The following FAM184B variants were observed in gnomAD, a reference collection of about 807,000 sequenced individuals.
FAM184B encodes family with sequence similarity 184 member B.
FAM184B carries 111 observed loss-of-function variants against 135.9 expected under a neutral mutation model. That is an observed-to-expected ratio of 0.82 (90% CI 0.70 to 0.96). The LOEUF (loss-of-function observed/expected upper bound fraction) is 0.96, where lower values mean the gene tolerates loss of function less well. Among genes scored for constraint, FAM184B ranks in the 40% least tolerant of loss-of-function variants. FAM184B has a pLI of 0.00. For missense variants in FAM184B, 1,375 were observed against 1,323.9 expected (o/e 1.04, Z -0.60); for synonymous variants, 552 against 524.8 (o/e 1.05, Z -0.71).
chr4:17,711,498 A>G (rs1157890732), intron 1 of FAM184B, among the ~76,000 whole-genome samples: 1 of 151,482 alleles, frequency 6.6e-6, no homozygotes, highest in Non-Finnish European at 1.5e-5. Context: ...AAACAAAAAC[A>G]AAAACAAAAA....
In FAM184B at chr4:17,712,790, G is replaced by A. The variant is rs796242236; in HGVS notation, c.142-3146C>T. Among the ~76,000 whole-genome samples the A allele has an allele frequency of 9.9e-4, 151 of 152,220 alleles. 1 individual carries two copies. The highest frequency in any genetic ancestry group is 3.3e-3 in the African/African-American group (138 of 41,510). On this transcript the variant is annotated intron_variant, in intron 1 of 17. Transcript: ENST00000265018. The stretch of plus-strand genomic sequence containing the variant: ...GGCTTTAAAAAAAAGTCAAAAACTA[G>A]AGGCTTAGATAATTATGAAATAGAA...
At chr4:17,645,796 C>G (rs1312500178) in intron 12 of FAM184B, among the ~76,000 whole-genome samples, 1 of 151,908 alleles carries the variant, frequency 6.6e-6, no homozygotes, top group African/African-American at 2.4e-5. Context: ...AGGCAACCTA[C>G]AGAATGGGAG....
intron 5 of FAM184B, among the ~76,000 whole-genome samples, chr4:17,698,248 C>T (rs1371940912): frequency 6.6e-6 from 1 of 152,108 alleles, no homozygotes; most frequent in East Asian, 1.9e-4. Context: ...TCTCACTGAA[C>T]TTTCAGATAC....
chr4:17,720,883 T>A (rs1577276177), intron 1 of FAM184B, among the ~76,000 whole-genome samples: 2 of 100,326 alleles, frequency 2.0e-5, no homozygotes, highest in East Asian at 2.9e-4. Context: ...AGACTTCATC[T>A]AAAAAAAAAA....
At chr4:17,632,930 T>G (rs1247226748) in intron 17 of FAM184B, 2 of 197,698 alleles carry the variant, frequency 1.0e-5, no homozygotes, top group African/African-American at 4.6e-5. Context: ...AGACTTTGTT[T>G]TTATTTTTTG....
chr4:17,657,078 T>C (rs1248007487), intron 10 of FAM184B, among the ~76,000 whole-genome samples: 1 of 152,234 alleles, frequency 6.6e-6, no homozygotes, highest in Non-Finnish European at 1.5e-5. Flanking sequence ...GTAAATATTA[T>C]TCACTATTGA....
chr4:17,738,872 C>A (rs1299071314), intron 1 of FAM184B, among the ~76,000 whole-genome samples: 1 of 152,078 alleles, frequency 6.6e-6, no homozygotes, highest in East Asian at 1.9e-4. Context: ...AAAGCATCAG[C>A]CCCTCCCTTC....
At chr4:17,660,392 G>A (rs1179177475) in intron 8 of FAM184B, among the ~76,000 whole-genome samples, 1 of 152,132 alleles carries the variant, frequency 6.6e-6, no homozygotes, top group East Asian at 1.9e-4. Flanking sequence ...CTGTCAGAAT[G>A]ACTGAGAGCT....
Position 17,632,844 on chromosome 4 carries a change from T to C in FAM184B, c.3090-219A>G, listed in dbSNP as rs1267452240. 7.0e-6 allele frequency: 3 copies of C among 427,438 alleles called. No individual in the cohort carries two copies. In the Admixed American group the frequency reaches 1.0e-4, roughly 15 times the overall value. The allele number at this position is 427,438 out of a possible 1,614,324, so 26.5% of individuals were successfully genotyped here. The stretch of plus-strand genomic sequence containing the variant: ...GGAAAACAGAAGGTTCACCATTGTT[T>C]GGTTCTCCATTGTTCCTTTGAGACT... On this transcript the variant is annotated intron_variant, in intron 17 of 17. Coordinates refer to ENST00000265018, the MANE Select transcript of FAM184B (RefSeq NM_015688.2).
At chr4:17,775,719 A>G (rs189450741) in intron 1 of FAM184B, among the ~76,000 whole-genome samples, 5 of 152,316 alleles carry the variant, frequency 3.3e-5, no homozygotes, top group Admixed American at 3.3e-4. Flanking sequence ...AGTGGAGGCT[A>G]TTATCTTAAG....
intron 15 of FAM184B, among the ~76,000 whole-genome samples, chr4:17,636,033 G>A (rs1362601633): frequency 6.9e-5 from 7 of 101,604 alleles, no homozygotes; most frequent in Non-Finnish European, 1.1e-4. Flanking sequence ...GGACTTGGGA[G>A]TAAAGTGATT....
At chr4:17,680,626 G>A (rs1018496708) in intron 7 of FAM184B, among the ~76,000 whole-genome samples, 1 of 152,102 alleles carries the variant, frequency 6.6e-6, no homozygotes, top group Non-Finnish European at 1.5e-5. Flanking sequence ...TTCCCATCAG[G>A]CGTTTTTCTC....
At chr4:17,656,368 C>T (rs1255293692) in intron 10 of FAM184B, among the ~76,000 whole-genome samples, 4 of 152,026 alleles carry the variant, frequency 2.6e-5, no homozygotes, top group South Asian at 2.1e-4. Flanking sequence ...AGTAAGTGCC[C>T]GGCAGTCCAT....
intron 7 of FAM184B, among the ~76,000 whole-genome samples, chr4:17,666,083 C>T (rs1376372156): frequency 6.6e-6 from 1 of 152,202 alleles, no homozygotes; most frequent in Non-Finnish European, 1.5e-5. Flanking sequence ...TGCTCCCTCA[C>T]TTCACTCACT....
chr4:17,773,345 C>T (rs542946851), intron 1 of FAM184B, among the ~76,000 whole-genome samples: 1 of 152,338 alleles, frequency 6.6e-6, no homozygotes, highest in South Asian at 2.1e-4. Flanking sequence ...TTTGCTCTTG[C>T]AGGGTCTCCT....
At chr4:17,780,155 TA>T (rs1410655382) in intron 1 of FAM184B, among the ~76,000 whole-genome samples, 11 of 151,774 alleles carry the variant, frequency 7.2e-5, no homozygotes, top group African/African-American at 2.7e-4. Context: ...CCTGGCAAAA[TA>T]GTGAGGTTGG....
intron 5 of FAM184B, among the ~76,000 whole-genome samples, chr4:17,703,933 A>T (rs994651791): frequency 1.3e-5 from 2 of 151,718 alleles, no homozygotes; most frequent in Admixed American, 1.3e-4. Context: ...CCGTTTCAAA[A>T]AAAAAAAAAG....
intron 8 of FAM184B, among the ~76,000 whole-genome samples, chr4:17,660,681 G>GT (rs1715897045): frequency 6.6e-6 from 1 of 151,910 alleles, no homozygotes; most frequent in South Asian, 2.1e-4. Flanking sequence ...AATGTCTTTA[G>GT]AAGAGACCAG....
At chr4:17,751,822 G>GACACACAC (rs1718298223) in intron 1 of FAM184B, among the ~76,000 whole-genome samples, 2 of 23,104 alleles carry the variant, frequency 8.7e-5, no homozygotes, top group African/African-American at 1.1e-4. Flanking sequence ...CTAAAAACAA[G>GACACACAC]GCACACACAC....
Sources: allele counts gnomAD v4.1 joint callset (sites outside exome capture counted in the v4.1 genomes callset), GRCh38; gene constraint gnomAD v4.1.1; transcripts MANE v1.5; gene names NCBI Gene and HGNC (gene_info 2026-07-23, HGNC 2026-07-21).